GPC6: variants seen among roughly 807,000 people sequenced by gnomAD.
GPC6 encodes the protein glypican 6, also known as glypican-6.
A neutral mutation model predicts 55.2 loss-of-function variants in GPC6; 14 were observed. The ratio of observed to expected loss-of-function variants is 0.25; its 90% CI spans 0.17 to 0.40. The LOEUF is 0.40. Among genes scored for constraint, GPC6 ranks in the 10% least tolerant of loss-of-function variants. The probability of loss-of-function intolerance (pLI) is 1.00; values close to 1 mark genes in which losing one functional copy is unlikely to be tolerated. For synonymous variants in GPC6, 278 were observed against 259.6 expected (o/e 1.07, Z -0.68); for missense variants, 641 against 708.5 (o/e 0.90, Z 1.08).
intron 2 of GPC6, among the ~76,000 whole-genome samples, chr13:93,596,907 T>C (rs371415334): frequency 1.4e-5 from 2 of 148,002 alleles, no homozygotes; most frequent in East Asian, 2.0e-4. Context: ...AGATCTGCAG[T>C]TGGTAGGCTG....
chr13:93,551,270 T>C (rs887946965), intron 2 of GPC6, among the ~76,000 whole-genome samples: 2 of 151,150 alleles, frequency 1.3e-5, no homozygotes, highest in African/African-American at 4.9e-5. Context: ...TCTATCACAA[T>C]GTTTTATTCC....
chr13:93,896,888 C>T lies in GPC6; in HGVS notation c.711+66343C>T, dbSNP rs531885774. Among the ~76,000 whole-genome samples the T allele has an allele frequency of 6.6e-5, 10 of 151,524 alleles. 1 individual carries two copies. The highest frequency in any genetic ancestry group is 2.4e-4 in the African/African-American group (10 of 41,380). On this transcript the variant is annotated intron_variant, in intron 3 of 8. Transcript: ENST00000377047. ...TAGAGAGATGTAAAACACCTGTGGG[C>T]GTCTGCATCTACCTTGAACTTTTAT...
intron 4 of GPC6, among the ~76,000 whole-genome samples, chr13:94,260,128 A>T (rs1284225931): frequency 6.6e-6 from 1 of 152,190 alleles, no homozygotes; most frequent in Non-Finnish European, 1.5e-5. Flanking sequence ...TCTGTAAAGT[A>T]CTGAATATAG....
chr13:93,846,377 A>G (rs1449821866), intron 3 of GPC6, among the ~76,000 whole-genome samples: 1 of 152,182 alleles, frequency 6.6e-6, no homozygotes, highest in Non-Finnish European at 1.5e-5. Context: ...AAGCAGAATG[A>G]CACAGAGCCT....
rs142197037 is a variant in GPC6 at position 94,270,346 on chromosome 13, A to G, written c.878-16003A>G. Among the ~76,000 whole-genome samples the G allele has an allele frequency of 3.9e-4, 60 of 152,336 alleles. 1 individual carries two copies. In the East Asian group the frequency reaches 0.011, roughly 28 times the overall value. On this transcript the variant is annotated intron_variant, in intron 4 of 8. Transcript: ENST00000377047. Reference sequence around the variant, plus strand: ...AAGAATCTAAAAAGCCAACAATAAGACAATTGCTACAGAGGTCATAGTGCA... The same window carrying G: ...AAGAATCTAAAAAGCCAACAATAAGGCAATTGCTACAGAGGTCATAGTGCA...
At chr13:94,258,928 G>T (rs1195337017) in intron 4 of GPC6, among the ~76,000 whole-genome samples, 1 of 152,102 alleles carries the variant, frequency 6.6e-6, no homozygotes, top group South Asian at 2.1e-4. Context: ...GATGTAACAA[G>T]GGTGGGGCAG....
At chr13:93,893,658 T>C (rs909079314) in intron 3 of GPC6, among the ~76,000 whole-genome samples, 3 of 152,176 alleles carry the variant, frequency 2.0e-5, no homozygotes, top group African/African-American at 7.2e-5. Flanking sequence ...ATACACATTA[T>C]CAAATGCCAT....
chr13:93,301,391 C>A (rs546936352), intron 1 of GPC6, among the ~76,000 whole-genome samples: 1 of 152,170 alleles, frequency 6.6e-6, no homozygotes, highest in Non-Finnish European at 1.5e-5. Flanking sequence ...ATGTGCTTGA[C>A]TAGGAGAGGT....
At chr13:93,730,052 G>C (rs755983205) in intron 2 of GPC6, among the ~76,000 whole-genome samples, 3 of 152,070 alleles carry the variant, frequency 2.0e-5, no homozygotes, top group Non-Finnish European at 4.4e-5. Context: ...TCTTGCCCTG[G>C]GTGCTGGTCA....
intron 2 of GPC6, among the ~76,000 whole-genome samples, chr13:93,790,791 A>G (rs1021561539): frequency 6.6e-6 from 1 of 152,198 alleles, no homozygotes; most frequent in Admixed American, 6.5e-5. Flanking sequence ...GTTATACTGC[A>G]GCTTCTTAGG....
chr13:93,626,674 C>T (rs752811016), intron 2 of GPC6, among the ~76,000 whole-genome samples: 31 of 151,960 alleles, frequency 2.0e-4, no homozygotes, highest in Non-Finnish European at 1.0e-4. Context: ...TAGTGGCACA[C>T]GCCTATAGGC....
intron 4 of GPC6, among the ~76,000 whole-genome samples, chr13:94,184,509 G>A (rs747308691): frequency 2.0e-5 from 3 of 151,914 alleles, no homozygotes; most frequent in Non-Finnish European, 4.4e-5. Context: ...AAAAGAAGAC[G>A]TACACACAAC....
intron 6 of GPC6, 113 bp downstream of exon 6, chr13:94,306,236 T>C: frequency 1.0e-6 from 1 of 998,246 alleles, no homozygotes; most frequent in Non-Finnish European, 1.6e-6. Flanking sequence ...CTCATGCTTA[T>C]ATCTGCCTCT....
intron 3 of GPC6, among the ~76,000 whole-genome samples, chr13:93,977,695 C>T (rs1480374920): frequency 6.6e-6 from 1 of 152,226 alleles, no homozygotes; most frequent in East Asian, 1.9e-4. Context: ...GACATATGCA[C>T]ATCCTTACTG....
chr13:93,247,982 GTTAACAC>G (rs1876659778), intron 1 of GPC6, among the ~76,000 whole-genome samples: 1 of 152,104 alleles, frequency 6.6e-6, no homozygotes, highest in African/African-American at 2.4e-5. Flanking sequence ...CCATTTTGTT[GTTAACAC>G]AAAATTTAAC....
At chr13:94,212,633 A>G (rs1453034650) in intron 4 of GPC6, among the ~76,000 whole-genome samples, 1 of 152,210 alleles carries the variant, frequency 6.6e-6, no homozygotes, top group Non-Finnish European at 1.5e-5. Context: ...CTTGTCACCC[A>G]TATCTTAACC....
At chr13:93,699,639 A>G (rs1297866397) in intron 2 of GPC6, among the ~76,000 whole-genome samples, 14 of 152,214 alleles carry the variant, frequency 9.2e-5, no homozygotes, top group Middle Eastern at 3.4e-3. Flanking sequence ...TTTTTCCTCA[A>G]AAGTCTTTTT....
At chr13:93,801,021 A>C (rs1886351782) in intron 2 of GPC6, among the ~76,000 whole-genome samples, 1 of 152,208 alleles carries the variant, frequency 6.6e-6, no homozygotes, top group African/African-American at 2.4e-5. Context: ...AGAAACTCTG[A>C]ATGGCACAGT....
At chr13:94,354,119 G>T (rs576708917) in intron 6 of GPC6, among the ~76,000 whole-genome samples, 42 of 152,144 alleles carry the variant, frequency 2.8e-4, no homozygotes, top group African/African-American at 9.6e-4. Context: ...GCTTAGCTTC[G>T]GAGGCATCTT....
Sources: allele counts gnomAD v4.1 joint callset (sites outside exome capture counted in the v4.1 genomes callset), GRCh38; gene constraint gnomAD v4.1.1; transcripts MANE v1.5; gene names NCBI Gene and HGNC (gene_info 2026-07-23, HGNC 2026-07-21).